SORCS3: variants seen among roughly 807,000 people sequenced by gnomAD.
SORCS3 encodes sortilin related VPS10 domain containing receptor 3, also known as VPS10 domain-containing receptor SorCS3.
Under a neutral mutation model 146.3 loss-of-function variants are expected in SORCS3, and 57 were observed. The ratio of observed to expected loss-of-function variants is 0.39; its 90% CI spans 0.31 to 0.49. The LOEUF (loss-of-function observed/expected upper bound fraction) is 0.49, where lower values mean the gene tolerates loss of function less well. Among genes scored for constraint, SORCS3 ranks in the 20% least tolerant of loss-of-function variants. The pLI, the probability that SORCS3 is intolerant of heterozygous loss-of-function variation, is 0.92. For missense variants in SORCS3, 1,341 were observed against 1,575.5 expected, an observed-to-expected ratio of 0.85 and a Z score of 2.52; for synonymous variants, 653 against 618.5, an observed-to-expected ratio of 1.06 and a Z score of -0.83.
intron 6 of SORCS3, among the ~76,000 whole-genome samples, chr10:105,103,562 G>A (rs140116994): frequency 4.1e-4 from 62 of 152,314 alleles, no homozygotes; most frequent in South Asian, 2.9e-3. Context: ...CCCAGGCAAA[G>A]AGCACAGGTA....
chr10:105,156,078 C>A (rs2056206269), intron 9 of SORCS3, among the ~76,000 whole-genome samples: 1 of 152,176 alleles, frequency 6.6e-6, no homozygotes, highest in African/African-American at 2.4e-5. Context: ...AGTGAGTAAA[C>A]CTCAGTTAAC....
intron 2 of SORCS3, among the ~76,000 whole-genome samples, chr10:104,869,358 C>A (rs1423907767): frequency 6.6e-6 from 1 of 152,098 alleles, no homozygotes; most frequent in East Asian, 1.9e-4. Flanking sequence ...ATCAAACAGT[C>A]AGGAAGAGAG....
intron 2 of SORCS3, among the ~76,000 whole-genome samples, chr10:104,864,712 A>C (rs2133563343): frequency 6.6e-6 from 1 of 152,282 alleles, no homozygotes; most frequent in Non-Finnish European, 1.5e-5. Context: ...GAATATACCA[A>C]GTTTATATAG....
intron 4 of SORCS3, among the ~76,000 whole-genome samples, chr10:104,992,501 T>C (rs938663542): frequency 2.0e-5 from 3 of 152,246 alleles, no homozygotes; most frequent in Admixed American, 6.5e-5. Context: ...GAAAGTTTGG[T>C]TGACCTGAAT....
At chr10:105,000,145 C>A (rs1331138605) in intron 4 of SORCS3, among the ~76,000 whole-genome samples, 1 of 152,002 alleles carries the variant, frequency 6.6e-6, no homozygotes, top group East Asian at 1.9e-4. Flanking sequence ...AAGACAAGGA[C>A]AGAATCCTAG....
At chr10:104,644,386 C>A (rs1365283204) in intron 1 of SORCS3, among the ~76,000 whole-genome samples, 2 of 152,236 alleles carry the variant, frequency 1.3e-5, no homozygotes, top group Admixed American at 1.3e-4. Flanking sequence ...GGTCTGTGAG[C>A]CTGTGTAAAG....
At chr10:104,787,181 C>T (rs1048144929) in intron 1 of SORCS3, among the ~76,000 whole-genome samples, 6 of 152,068 alleles carry the variant, frequency 3.9e-5, no homozygotes, top group Non-Finnish European at 8.8e-5. Flanking sequence ...TGATCTGTTT[C>T]GCCAAAGGAG....
chr10:104,889,031 A>G (rs1206631165), intron 2 of SORCS3, among the ~76,000 whole-genome samples: 1 of 152,218 alleles, frequency 6.6e-6, no homozygotes, highest in Non-Finnish European at 1.5e-5. Flanking sequence ...TTACTTTATC[A>G]TTATAAAATA....
chr10:104,992,911 GT>G (rs796300866), intron 4 of SORCS3, among the ~76,000 whole-genome samples: 29 of 149,494 alleles, frequency 1.9e-4, no homozygotes, highest in Non-Finnish European at 2.4e-4. Flanking sequence ...TATTAGGTAT[GT>G]TTTTTTTTTC....
intron 5 of SORCS3, among the ~76,000 whole-genome samples, chr10:105,084,777 C>T (rs1480852103): frequency 1.3e-5 from 2 of 150,406 alleles, no homozygotes; most frequent in Non-Finnish European, 2.9e-5. Flanking sequence ...GTCGCCCAGG[C>T]TGAAGTGCAG....
intron 4 of SORCS3, among the ~76,000 whole-genome samples, chr10:104,991,058 C>T (rs1042506544): frequency 1.4e-4 from 21 of 152,182 alleles, no homozygotes; most frequent in African/African-American, 4.8e-4. Context: ...CTTGTCTCCA[C>T]CAGCTTCTTG....
intron 1 of SORCS3, among the ~76,000 whole-genome samples, chr10:104,818,405 T>TTCCTTCCTTCCTTCCTTCC (rs1564690833): frequency 3.3e-5 from 3 of 91,322 alleles, no homozygotes; most frequent in South Asian, 8.4e-4. Context: ...TCCTTCCTTC[T>TTCCTTCCTTCCTTCCTTCC]TTCTCTCTTT....
chr10:105,224,117 A>G (rs2056720354), intron 20 of SORCS3, among the ~76,000 whole-genome samples: 1 of 152,226 alleles, frequency 6.6e-6, no homozygotes. Flanking sequence ...AGTTTACTTT[A>G]GATTCATTTC....
At chr10:104,895,621 T>C (rs2018790398) in intron 2 of SORCS3, among the ~76,000 whole-genome samples, 1 of 152,208 alleles carries the variant, frequency 6.6e-6, no homozygotes, top group Non-Finnish European at 1.5e-5. Context: ...AAGAATATAA[T>C]GATTCCTGCT....
At chr10:104,873,344 T>C (rs2018538696) in intron 2 of SORCS3, among the ~76,000 whole-genome samples, 1 of 152,204 alleles carries the variant, frequency 6.6e-6, no homozygotes, top group African/African-American at 2.4e-5. Flanking sequence ...TAAATGGGCT[T>C]GACAGCTTCC....
intron 19 of SORCS3, among the ~76,000 whole-genome samples, chr10:105,218,280 A>G (rs1403273434): frequency 1.2e-4 from 18 of 152,210 alleles, no homozygotes. Context: ...CTGAACTCCA[A>G]TTTTAAAATG....
rs1177340069 is a variant in SORCS3 at position 105,247,362 on chromosome 10, T to C, written c.3105+31T>C. ...TTGGCTTTGTCTTTTTTTAAGTTCTTGTGAATAAAGAAAAGAACTAGATGG... is the reference window on the plus strand; with the variant it reads ...TTGGCTTTGTCTTTTTTTAAGTTCTCGTGAATAAAGAAAAGAACTAGATGG... On this transcript the variant is annotated intron_variant, in intron 22 of 26. Coordinates refer to ENST00000369701, the MANE Select transcript of SORCS3 (RefSeq NM_014978.3). The C allele has an allele frequency of 3.8e-6, 5 of 1,303,114 alleles. No individual in the cohort carries two copies. In the East Asian group the frequency reaches 1.2e-4, roughly 30 times the overall value. 80.7% of individuals were successfully genotyped at this position (1,303,114 alleles called of 1,614,324 possible). A position where few individuals can be genotyped will look rare whatever the true frequency, so the allele number is the denominator to read the frequency against.
At chr10:104,892,430 A>G (rs973543599) in intron 2 of SORCS3, among the ~76,000 whole-genome samples, 32 of 152,218 alleles carry the variant, frequency 2.1e-4, no homozygotes, top group African/African-American at 7.7e-4. Context: ...GCCATGGTTA[A>G]ATAGTATCTG....
intron 1 of SORCS3, among the ~76,000 whole-genome samples, chr10:104,789,685 G>T (rs1053156131): frequency 6.6e-6 from 1 of 152,026 alleles, no homozygotes; most frequent in Non-Finnish European, 1.5e-5. Context: ...TGCAATGGAT[G>T]CACAATGTTT....
Sources: allele counts gnomAD v4.1 joint callset (sites outside exome capture counted in the v4.1 genomes callset), GRCh38; gene constraint gnomAD v4.1.1; transcripts MANE v1.5; gene names NCBI Gene and HGNC (gene_info 2026-07-23, HGNC 2026-07-21).